Variants in TMPRSS7 observed in about 807,000 individuals in gnomAD.
TMPRSS7 encodes transmembrane protease serine 7.
TMPRSS7 carries 81 observed loss-of-function variants against 95.6 expected under a neutral mutation model. The ratio of observed to expected loss-of-function variants is 0.85; its 90% CI spans 0.71 to 1.02. The LOEUF (loss-of-function observed/expected upper bound fraction) is 1.02. Ranked by LOEUF, TMPRSS7 falls within the 50% of genes least tolerant of loss-of-function variation. The pLI is 0.00. For synonymous variants in TMPRSS7, 364 were observed against 337.8 expected, an observed-to-expected ratio of 1.08 and a Z score of -0.85; for missense variants, 945 against 955.2, an observed-to-expected ratio of 0.99 and a Z score of 0.14.
intron 9 of TMPRSS7, 108 bp downstream of exon 9, chr3:112,050,891 A>T: frequency 1.8e-6 from 1 of 570,630 alleles, no homozygotes; most frequent in Non-Finnish European, 3.0e-6. Flanking sequence ...ATTTTATAAA[A>T]TTTCAGTATT....
At chr3:112,050,685 G>T in exon 9 of TMPRSS7, 1 of 1,601,904 alleles carries the variant, frequency 6.2e-7, no homozygotes, top group Non-Finnish European at 8.5e-7. Context: ...TGAAAACACA[G>T]TGTTGGTCAA....
chr3:112,074,269 G>A, intron 13 of TMPRSS7, 27 bp from the exon 14 acceptor site: 1 of 1,517,280 alleles, frequency 6.6e-7, no homozygotes, highest in Non-Finnish European at 9.1e-7. Flanking sequence ...GCTAAGGAAA[G>A]CTGTTTCTTC....
chr3:112,061,754 GCT>G, intron 10 of TMPRSS7, 31 bp from the exon 11 acceptor site: 1 of 1,569,148 alleles, frequency 6.4e-7, no homozygotes, highest in Non-Finnish European at 8.7e-7. Flanking sequence ...AGAACCTCAA[GCT>G]GTGTATTCTC....
intron 10 of TMPRSS7, among the ~76,000 whole-genome samples, chr3:112,057,865 A>G (rs2107749534): frequency 6.6e-6 from 1 of 152,206 alleles, no homozygotes; most frequent in South Asian, 2.1e-4. Flanking sequence ...ATCTGGGACT[A>G]CAGGCACGCA....
Position 112,047,776 on chromosome 3 carries a change from GTC to G in TMPRSS7, c.773_774del (p.Leu258ProfsTer44). On this transcript the variant is annotated frameshift_variant, in exon 7 of 18. Transcript: ENST00000452346. LOFTEE classifies it high-confidence loss of function. ...CTCAGTACTTCTATGCAGAGCATCT[GTC>G]TCTCCACTACCCGCTGGAGATTTCT... The G allele has an allele frequency of 6.2e-7, 1 of 1,613,958 alleles. No homozygotes were observed. Among genetic ancestry groups the G allele is most frequent in the Non-Finnish European group, 8.5e-7 (1 of 1,179,862 alleles).
At position 112,074,365 on chromosome 3, in the gene TMPRSS7, G is replaced by A. The variant is rs199812280; in HGVS notation, c.1736G>A (p.Cys579Tyr). 295 of 1,613,946 alleles carry A rather than the reference G, an allele frequency of 1.8e-4. 2 individuals are homozygous for A. The highest frequency in any genetic ancestry group is 3.0e-5 in the Non-Finnish European group (35 of 1,179,980). The change falls in exon 14 of 18, where the codon TGT (cysteine) becomes TAT (tyrosine). Residue 579 changes from cysteine to tyrosine, a missense_variant. Physicochemically the swap from Cys to Tyr is radical, Grantham distance 194. Coordinates refer to ENST00000452346, the Ensembl canonical transcript of TMPRSS7. ...TGCTTTAGGAAACAAAATGCAAAATGTGATGGGACAGTGGATTGTCCAGAT... is the reference window on the plus strand; with the variant it reads ...TGCTTTAGGAAACAAAATGCAAAATATGATGGGACAGTGGATTGTCCAGAT...
chr3:112,071,069 T>C (rs1466071673), intron 13 of TMPRSS7, among the ~76,000 whole-genome samples: 1 of 152,246 alleles, frequency 6.6e-6, no homozygotes, highest in Admixed American at 6.5e-5. Context: ...GACATGTTTT[T>C]GCAGTGGCTG....
At chr3:112,063,825 A>G (rs567411896) in intron 12 of TMPRSS7, among the ~76,000 whole-genome samples, 193 bp downstream of exon 12, 1 of 152,298 alleles carries the variant, frequency 6.6e-6, no homozygotes, top group South Asian at 2.1e-4. Flanking sequence ...GATCTGACTA[A>G]TCTAGGCTGG....
chr3:112,079,334 G>A (rs1442243899), intron 17 of TMPRSS7, among the ~76,000 whole-genome samples: 1 of 152,192 alleles, frequency 6.6e-6, no homozygotes, highest in African/African-American at 2.4e-5. Context: ...AAAGTTGGAA[G>A]TCACCTTTGG....
chr3:112,035,419 C>T (rs979973266), intron 1 of TMPRSS7, among the ~76,000 whole-genome samples: 8 of 152,266 alleles, frequency 5.3e-5, no homozygotes, highest in African/African-American at 1.4e-4. Context: ...CACTTCACTC[C>T]AGGGGTTGAC....
At position 112,080,845 on chromosome 3, in the gene TMPRSS7, A is replaced by T. The variant is rs921130523; in HGVS notation, c.2362-69A>T. ...AGGACTCTTGAACACAATTCATTAGATACAATAAAGATGAAACTGATGATC... is the reference window on the plus strand; with the variant it reads ...AGGACTCTTGAACACAATTCATTAGTTACAATAAAGATGAAACTGATGATC... On this transcript the variant is annotated intron_variant, in intron 17 of 17. Transcript: ENST00000452346. The T allele has an allele frequency of 3.4e-6, 5 of 1,477,970 alleles. No homozygotes were observed. The African/African-American group carries it at 7.1e-5, about 21-fold the overall frequency. The allele number at this position is 1,477,970 out of a possible 1,614,324, so 91.6% of individuals were successfully genotyped here. A position where few individuals can be genotyped will look rare whatever the true frequency, so the allele number is the denominator to read the frequency against.
At chr3:112,052,805 A>G (rs1055347428) in intron 9 of TMPRSS7, among the ~76,000 whole-genome samples, 2 of 152,210 alleles carry the variant, frequency 1.3e-5, no homozygotes, top group Non-Finnish European at 2.9e-5. Context: ...TGACTTCTTA[A>G]TAATCCATAG....
At chr3:112,048,219 T>C (rs577188634) in intron 7 of TMPRSS7, among the ~76,000 whole-genome samples, 1 of 152,342 alleles carries the variant, frequency 6.6e-6, no homozygotes, top group South Asian at 2.1e-4. Context: ...TCAGCCAATA[T>C]ACCTGAAATA....
chr3:112,072,705 C>A (rs55753652), intron 13 of TMPRSS7, among the ~76,000 whole-genome samples: 3,882 of 152,314 alleles, frequency 0.025, 164 homozygotes, highest in African/African-American at 0.087. Flanking sequence ...GCCAGGCTGC[C>A]GCCTGGCAGT....
intron 9 of TMPRSS7, among the ~76,000 whole-genome samples, chr3:112,052,518 T>C (rs932924781): frequency 2.6e-5 from 4 of 151,940 alleles, no homozygotes; most frequent in Non-Finnish European, 5.9e-5. Context: ...AATTAAGAGA[T>C]AAAGGTGCTG....
intron 9 of TMPRSS7, among the ~76,000 whole-genome samples, chr3:112,052,924 GAAA>G (rs61299463): frequency 0.25 from 34,855 of 139,110 alleles, 4,171 homozygotes; most frequent in Middle Eastern, 0.31. Context: ...AAATGCTGAA[GAAA>G]AAAAAAAAAA....
intron 8 of TMPRSS7, among the ~76,000 whole-genome samples, 180 bp downstream of exon 8, chr3:112,050,154 C>A (rs540387313): frequency 3.9e-5 from 6 of 152,262 alleles, no homozygotes; most frequent in African/African-American, 1.4e-4. Flanking sequence ...TCTGTAAGAA[C>A]TATTAACTTC....
exon 8 of TMPRSS7, chr3:112,049,913 G>C (rs546994344): frequency 1.9e-6 from 3 of 1,566,480 alleles, no homozygotes; most frequent in South Asian, 2.4e-5. Context: ...TGACATTTAA[G>C]TCTCCTCATA....
At chr3:112,035,083 A>T (rs954687971) in intron 1 of TMPRSS7, among the ~76,000 whole-genome samples, 190 bp downstream of exon 1, 1 of 152,260 alleles carries the variant, frequency 6.6e-6, no homozygotes, top group Non-Finnish European at 1.5e-5. Flanking sequence ...ATTGATTTGT[A>T]GCCGTTTTTC....
Sources: gnomAD v4.1 joint callset for allele counts (sites outside exome capture counted in the v4.1 genomes callset) on GRCh38, gnomAD v4.1.1 for gene constraint, MANE v1.5 for transcripts, NCBI Gene and HGNC (gene_info 2026-07-23, HGNC 2026-07-21) for gene names.